ST14: variants seen among roughly 807,000 people sequenced by gnomAD.
The protein encoded by ST14 is suppressor of tumorigenicity 14 protein.
Under a neutral mutation model 96.5 loss-of-function variants are expected in ST14, and 40 were observed. The ratio of observed to expected loss-of-function variants is 0.41; its 90% CI spans 0.32 to 0.54. The LOEUF (loss-of-function observed/expected upper bound fraction) is 0.54, where lower values mean the gene tolerates loss of function less well. ST14 is among the 20% of genes least tolerant of loss of function. The pLI, the probability that ST14 is intolerant of heterozygous loss-of-function variation, is 0.17. For synonymous variants in ST14, 506 were observed against 492.1 expected (o/e 1.03, Z -0.37); for missense variants, 1,066 against 1,188.9 (o/e 0.90, Z 1.52).
At chr11:130,190,000 C>A in intron 5 of ST14, 104 bp downstream of exon 5, 1 of 1,608,930 alleles carries the variant, frequency 6.2e-7, no homozygotes, top group Non-Finnish European at 8.5e-7. Flanking sequence ...GGGCCCAGTG[C>A]CCCAGAGAGA....
At chr11:130,183,309 C>T (rs546970386) in intron 1 of ST14, among the ~76,000 whole-genome samples, 1 of 152,242 alleles carries the variant, frequency 6.6e-6, no homozygotes, top group African/African-American at 2.4e-5. Flanking sequence ...AGAGTGTAGC[C>T]GAAATCTGTG....
chr11:130,208,479 G>T lies in ST14; in HGVS notation c.2064G>T (p.Gly688=). The change falls in exon 17 of 19, where the codon GGG becomes GGT. Residue 688 remains glycine (G), a synonymous_variant. Transcript: ENST00000278742. The stretch of plus-strand genomic sequence containing the variant: ...ACCAGAGCCAGCGCAGCGCCCCTGG[G>T]GTGCAGGAGCGCAGGCTCAAGCGCA... ...LHDQSQRSAP[G]VQERRLKRII... The T allele has an allele frequency of 3.7e-6, 6 of 1,614,190 alleles. No homozygotes were observed. Among genetic ancestry groups the T allele is most frequent in the Non-Finnish European group, 5.1e-6 (6 of 1,180,036 alleles).
chr11:130,207,302 GC>G (rs1298725693), intron 16 of ST14, among the ~76,000 whole-genome samples: 1 of 152,212 alleles, frequency 6.6e-6, no homozygotes, highest in East Asian at 1.9e-4. Context: ...TGTAATTCCA[GC>G]ACTTTGGGAG....
intron 1 of ST14, among the ~76,000 whole-genome samples, chr11:130,163,880 G>A (rs995877365): frequency 3.3e-5 from 5 of 152,190 alleles, no homozygotes; most frequent in African/African-American, 7.2e-5. Context: ...TGCTCGAGCC[G>A]ACTTGCTGGC....
intron 1 of ST14, among the ~76,000 whole-genome samples, chr11:130,177,420 A>G (rs992943783): frequency 2.6e-5 from 4 of 151,860 alleles, no homozygotes; most frequent in Non-Finnish European, 5.9e-5. Flanking sequence ...AAAATTAGCC[A>G]GGTGCGGTGG....
At chr11:130,200,236 G>A (rs993054390) in intron 16 of ST14, 99 bp downstream of exon 16, 16 of 1,356,488 alleles carry the variant, frequency 1.2e-5, no homozygotes, top group Non-Finnish European at 1.6e-5. Flanking sequence ...CACTGGAGGG[G>A]TGGCCACATG....
chr11:130,198,864 A>G (rs962685065), intron 14 of ST14, 83 bp from the exon 15 acceptor site: 57 of 1,608,770 alleles, frequency 3.5e-5, no homozygotes, highest in Non-Finnish European at 4.6e-5. Flanking sequence ...TGCAGGGGCC[A>G]TGAGGCGCCA....
Position 130,194,206 on chromosome 11 carries a change from C to T in ST14, c.933C>T (p.Val311=), listed in dbSNP as rs768112907. 6.2e-7 allele frequency: 1 copy of T among 1,614,248 alleles called. No homozygotes were observed. The highest frequency in any genetic ancestry group is 8.5e-7 in the Non-Finnish European group (1 of 1,180,048). Residue 311 remains valine, a synonymous_variant, in exon 8 of 19, where the codon GTC becomes GTT. Transcript: ENST00000278742. The stretch of plus-strand genomic sequence containing the variant: ...TGACCTTCCACTCCTCCCAGAACGT[C>T]CTGCTCATCACACTGATAACCAACA... ...YNLTFHSSQN[V]LLITLITNTE... is the part of the protein sequence containing the mutation.
intron 11 of ST14, among the ~76,000 whole-genome samples, chr11:130,196,981 A>C (rs1473513505): frequency 4.6e-5 from 7 of 152,078 alleles, no homozygotes; most frequent in Admixed American, 4.6e-4. Flanking sequence ...TTCCCCGGCC[A>C]TCTGTCCCTC....
intron 1 of ST14, among the ~76,000 whole-genome samples, chr11:130,185,423 T>G (rs1229095559): frequency 6.6e-6 from 1 of 152,084 alleles, no homozygotes; most frequent in Non-Finnish European, 1.5e-5. Flanking sequence ...GAGGCTGAGA[T>G]GGAAGGATAG....
chr11:130,193,010 C>T (rs1052641897), intron 7 of ST14, among the ~76,000 whole-genome samples: 3 of 152,036 alleles, frequency 2.0e-5, no homozygotes, highest in Non-Finnish European at 2.9e-5. Context: ...GTTTCCTCAC[C>T]TCTGAGATAG....
intron 1 of ST14, among the ~76,000 whole-genome samples, chr11:130,179,397 C>A (rs1008684443): frequency 1.3e-5 from 2 of 152,128 alleles, no homozygotes; most frequent in African/African-American, 4.8e-5. Flanking sequence ...GATCGATTAC[C>A]CCTGGTTGGG....
chr11:130,196,176 A>G (rs903423144), intron 9 of ST14, among the ~76,000 whole-genome samples, 163 bp from the exon 10 acceptor site: 2 of 151,654 alleles, frequency 1.3e-5, no homozygotes, highest in Non-Finnish European at 2.9e-5. Context: ...CAAACAAACA[A>G]ACAAACAAAC....
intron 1 of ST14, among the ~76,000 whole-genome samples, chr11:130,168,657 A>T (rs901949425): frequency 6.6e-6 from 1 of 152,190 alleles, no homozygotes; most frequent in African/African-American, 2.4e-5. Flanking sequence ...GGCTCTGAGA[A>T]TCCAATTTCA....
chr11:130,206,126 TA>T (rs570643225), intron 16 of ST14, among the ~76,000 whole-genome samples: 1 of 152,234 alleles, frequency 6.6e-6, no homozygotes, highest in Non-Finnish European at 1.5e-5. Flanking sequence ...TTTGGTTTTT[TA>T]TGGCATTGAC....
chr11:130,173,974 C>A (rs1485599927), intron 1 of ST14, among the ~76,000 whole-genome samples: 1 of 152,202 alleles, frequency 6.6e-6, no homozygotes, highest in Non-Finnish European at 1.5e-5. Flanking sequence ...TTTCCAAAAA[C>A]ATTTTTTAAG....
intron 4 of ST14, 77 bp from the exon 5 acceptor site, chr11:130,189,662 T>G (rs1565623644): frequency 6.3e-7 from 1 of 1,581,126 alleles, no homozygotes; most frequent in Non-Finnish European, 8.6e-7. Context: ...GCCGCCCATG[T>G]GTCCTGGAGT....
chr11:130,186,291 T>A (rs1953237457), intron 1 of ST14, among the ~76,000 whole-genome samples: 1 of 152,172 alleles, frequency 6.6e-6, no homozygotes, highest in South Asian at 2.1e-4. Context: ...AAAAAATTTT[T>A]AAAAAGTATG....
chr11:130,187,982 C>T lies in ST14; in HGVS notation c.82-132C>T, dbSNP rs1240603679. On this transcript the variant is annotated intron_variant, in intron 1 of 18. Transcript: ENST00000278742. The surrounding 1 kb of genome is among the most constrained non-coding windows in gnomAD (Gnocchi z 4.5). The stretch of plus-strand genomic sequence containing the variant: ...GTGGTCCCCATGCCTCTGGGGGAAG[C>T]CCCCTTCTTCTCACCCAAGCCCCTG... 17 of 1,285,470 alleles carry T rather than the reference C, an allele frequency of 1.3e-5. No homozygotes were observed. The highest frequency in any genetic ancestry group is 1.7e-5 in the Non-Finnish European group (16 of 925,438). 79.6% of individuals were successfully genotyped at this position (1,285,470 alleles called of 1,614,324 possible). A position where few individuals can be genotyped will look rare whatever the true frequency, so the allele number is the denominator to read the frequency against.
Sources: allele counts gnomAD v4.1 joint callset (sites outside exome capture counted in the v4.1 genomes callset), GRCh38; gene constraint gnomAD v4.1.1; non-coding constraint Gnocchi (gnomAD v3.1); transcripts MANE v1.5; gene names NCBI Gene and HGNC (gene_info 2026-07-23, HGNC 2026-07-21).